Variants in SPATS1 observed in about 807,000 individuals in gnomAD.
The protein encoded by SPATS1 is spermatogenesis associated serine rich 1, also known as spermatogenesis-associated serine-rich protein 1.
In SPATS1, 23 loss-of-function variants were observed where a neutral mutation model predicts 33.6. The ratio of observed to expected loss-of-function variants is 0.68; its 90% CI spans 0.49 to 0.97. The LOEUF (loss-of-function observed/expected upper bound fraction) is 0.97, where lower values mean the gene tolerates loss of function less well. SPATS1 is among the 50% of genes least tolerant of loss of function. The probability of loss-of-function intolerance (pLI) is 0.00; values close to 1 mark genes in which losing one functional copy is unlikely to be tolerated. For missense variants in SPATS1, 327 were observed against 361.0 expected (o/e 0.91, Z 0.76); for synonymous variants, 131 against 125.6 (o/e 1.04, Z -0.29).
intron 3 of SPATS1, among the ~76,000 whole-genome samples, chr6:44,354,037 C>CAAAAA (rs34531075): frequency 8.1e-5 from 8 of 99,094 alleles, no homozygotes; most frequent in Non-Finnish European, 1.1e-4. Flanking sequence ...GACTTCGCCT[C>CAAAAA]AAAAAAAAAA....
rs780672411 is a variant in SPATS1 at position 44,368,457 on chromosome 6, T to C, written c.653T>C (p.Phe218Ser). Reference protein sequence around the residue: ...PYMYPEQSKGFHKAGSMLPPV... With the variant: ...PYMYPEQSKGSHKAGSMLPPV... ...ATGTACCCAGAACAGAGTAAAGGCT[T>C]CCACAAAGCAGGATCAATGCTCCCA... The change falls in exon 6 of 9, where the codon TTC becomes TCC. Residue 218 changes from phenylalanine to serine, a missense_variant. Coordinates refer to ENST00000674044, the MANE Select transcript of SPATS1 (RefSeq NM_001372081.1). 25 of 1,613,252 alleles carry C rather than the reference T, an allele frequency of 1.5e-5. No individual in the cohort carries two copies. The highest frequency in any genetic ancestry group is 2.0e-5 in the Non-Finnish European group (24 of 1,179,516).
intron 7 of SPATS1, among the ~76,000 whole-genome samples, chr6:44,375,812 CAA>C (rs1321413246): frequency 2.1e-5 from 3 of 146,214 alleles, no homozygotes; most frequent in African/African-American, 7.6e-5. Flanking sequence ...AAAAAACAAA[CAA>C]AAAAATATGG....
chr6:44,351,638 T>C (rs1267642187), intron 2 of SPATS1, among the ~76,000 whole-genome samples: 1 of 152,198 alleles, frequency 6.6e-6, no homozygotes, highest in Non-Finnish European at 1.5e-5. Context: ...TATGAGATGA[T>C]AACAGAACAA....
intron 3 of SPATS1, among the ~76,000 whole-genome samples, chr6:44,355,094 T>G (rs946513865): frequency 1.3e-5 from 2 of 152,226 alleles, no homozygotes; most frequent in Non-Finnish European, 1.5e-5. Context: ...GTGCTGGGCA[T>G]GAGCCACTGC....
intron 2 of SPATS1, chr6:44,343,546 AG>A (rs1245537826): frequency 6.0e-6 from 3 of 495,992 alleles, no homozygotes; most frequent in East Asian, 1.1e-4. Context: ...ATAAAAGGTG[AG>A]CCTGGGATTT....
rs573753742 is a variant in SPATS1 at position 44,355,216 on chromosome 6, A to G, written c.287+2343A>G. On this transcript the variant is annotated intron_variant, in intron 3 of 8. Coordinates refer to ENST00000674044, the MANE Select transcript of SPATS1 (RefSeq NM_001372081.1). Reference sequence around the variant, plus strand: ...CCGCAGATATTTTTACTGTCTCCATAGTTTTTTCCTTTCCAGAATGACATA... The same window carrying G: ...CCGCAGATATTTTTACTGTCTCCATGGTTTTTTCCTTTCCAGAATGACATA... Among the ~76,000 whole-genome samples the G allele has an allele frequency of 4.1e-5, 6 of 144,660 alleles. No homozygotes were observed. In the South Asian group the frequency reaches 1.1e-3, roughly 26 times the overall value. The allele number at this position is 144,660 out of a possible 152,430, so 94.9% of individuals were successfully genotyped here.
chr6:44,367,026 A>C (rs1475411798), intron 5 of SPATS1, among the ~76,000 whole-genome samples: 1 of 151,992 alleles, frequency 6.6e-6, no homozygotes, highest in African/African-American at 2.4e-5. Context: ...TTGTCACCCA[A>C]CTCTTACTTG....
rs1788852608 is a variant in SPATS1 at position 44,360,558 on chromosome 6, A to G, written c.400A>G (p.Lys134Glu). The change falls in exon 4 of 9, where the codon AAG (lysine) becomes GAG (glutamate). Residue 134 changes from lysine (K) to glutamate (E), a missense_variant. Physicochemically the swap from Lys to Glu is moderately conservative, Grantham distance 56 (BLOSUM62 1). Coordinates refer to ENST00000674044, the MANE Select transcript of SPATS1 (RefSeq NM_001372081.1). ...DKYPEEFSLL[K>E]LQTKDGHRPE... is the part of the protein sequence containing the mutation. Reference sequence around the variant, plus strand: ...ATATCCTGAGGAATTCAGCCTGCTTAAGTTGCAGACGAGTAAGTCACAGAC... The same window carrying G: ...ATATCCTGAGGAATTCAGCCTGCTTGAGTTGCAGACGAGTAAGTCACAGAC... The G allele has an allele frequency of 6.2e-7, 1 of 1,614,136 alleles. No homozygotes were observed. Among genetic ancestry groups the G allele is most frequent in the South Asian group, 1.1e-5 (1 of 91,072 alleles).
rs1015522436 is a variant in SPATS1, at chr6:44,360,550, G to C, written c.392G>C (p.Ser131Thr). The change falls in exon 4 of 9, where the codon AGC becomes ACC. Residue 131 changes from serine (S) to threonine (T), a missense_variant. Coordinates refer to ENST00000674044, the MANE Select transcript of SPATS1 (RefSeq NM_001372081.1). Reference sequence around the variant, plus strand: ...AAGGATAAATATCCTGAGGAATTCAGCCTGCTTAAGTTGCAGACGAGTAAG... The same window carrying C: ...AAGGATAAATATCCTGAGGAATTCACCCTGCTTAAGTTGCAGACGAGTAAG... The part of the protein sequence containing the change: ...VQKDKYPEEF[S>T]LLKLQTKDGH... 14 of 1,614,024 alleles carry C rather than the reference G, an allele frequency of 8.7e-6. No homozygotes were observed. In the African/African-American group the frequency reaches 1.5e-4, roughly 17 times the overall value.
Position 44,352,681 on chromosome 6 carries a change from G to T in SPATS1, c.140-45G>T, listed in dbSNP as rs1788312211. Reference sequence around the variant, plus strand: ...TCTAGGAAACAAAATAGGGTGGAATGTATTTTCAATAATGTAATTAAATGG... The same window carrying T: ...TCTAGGAAACAAAATAGGGTGGAATTTATTTTCAATAATGTAATTAAATGG... On this transcript the variant is annotated intron_variant, in intron 2 of 8. Transcript: ENST00000674044. The T allele has an allele frequency of 1.9e-6, 3 of 1,564,700 alleles. No individual in the cohort carries two copies. The East Asian group carries it at 6.7e-5, about 35-fold the overall frequency.
chr6:44,366,420 G>A (rs967215988), intron 5 of SPATS1, among the ~76,000 whole-genome samples: 2 of 151,994 alleles, frequency 1.3e-5, no homozygotes, highest in Non-Finnish European at 2.9e-5. Flanking sequence ...CACTGCGCCT[G>A]GCCACCATAG....
chr6:44,375,455 T>C (rs1789876072), intron 7 of SPATS1, among the ~76,000 whole-genome samples: 1 of 152,122 alleles, frequency 6.6e-6, no homozygotes, highest in Admixed American at 6.6e-5. Flanking sequence ...AGGTAAGAAA[T>C]GCCCTAATTT....
chr6:44,364,304 A>T (rs899079868), intron 5 of SPATS1, among the ~76,000 whole-genome samples: 4 of 152,232 alleles, frequency 2.6e-5, no homozygotes, highest in Non-Finnish European at 2.9e-5. Context: ...GCCACAATTT[A>T]AAAATATTTA....
At chr6:44,361,396 A>G (rs898254182) in intron 4 of SPATS1, 15 of 985,314 alleles carry the variant, frequency 1.5e-5, no homozygotes, top group Non-Finnish European at 6.0e-6. Flanking sequence ...GTTGCAGCCA[A>G]CACCATGTTT....
At chr6:44,354,684 G>A (rs1038354860) in intron 3 of SPATS1, among the ~76,000 whole-genome samples, 1 of 152,076 alleles carries the variant, frequency 6.6e-6, no homozygotes, top group African/African-American at 2.4e-5. Flanking sequence ...TATTACCATG[G>A]ATGAACCTAC....
chr6:44,368,042 T>A (rs1348047718), intron 5 of SPATS1, among the ~76,000 whole-genome samples: 1 of 152,202 alleles, frequency 6.6e-6, no homozygotes, highest in East Asian at 1.9e-4. Context: ...CAAAGTGCAC[T>A]AATGCTCAGG....
At chr6:44,348,794 T>TGGCC (rs1788059121) in intron 2 of SPATS1, among the ~76,000 whole-genome samples, 1 of 152,072 alleles carries the variant, frequency 6.6e-6, no homozygotes, top group South Asian at 2.1e-4. Context: ...CCAGCCTGGC[T>TGGCC]AAGAGACCAG....
At chr6:44,363,978 A>AT (rs1297732841) in intron 5 of SPATS1, among the ~76,000 whole-genome samples, 1 of 152,090 alleles carries the variant, frequency 6.6e-6, no homozygotes, top group African/African-American at 2.4e-5. Context: ...CATATTTCAT[A>AT]TTTTTTTAAA....
intron 7 of SPATS1, among the ~76,000 whole-genome samples, chr6:44,375,068 T>G (rs1448097067): frequency 6.6e-6 from 1 of 152,204 alleles, no homozygotes; most frequent in Non-Finnish European, 1.5e-5. Flanking sequence ...CACTTCCTAC[T>G]ACCTATTGGA....
Sources: allele counts gnomAD v4.1 joint callset (sites outside exome capture counted in the v4.1 genomes callset), GRCh38; gene constraint gnomAD v4.1.1; transcripts MANE v1.5; gene names NCBI Gene and HGNC (gene_info 2026-07-23, HGNC 2026-07-21).